SLC4A4: variants seen among roughly 807,000 people sequenced by gnomAD.
SLC4A4 encodes solute carrier family 4 member 4.
A neutral mutation model predicts 111.5 loss-of-function variants in SLC4A4; 27 were observed. The observed-to-expected ratio is 0.24, with a 90% CI of 0.18 to 0.33. The LOEUF (loss-of-function observed/expected upper bound fraction) is 0.33. Among genes scored for constraint, SLC4A4 ranks in the 10% least tolerant of loss-of-function variants. The probability of loss-of-function intolerance (pLI) is 1.00; values close to 1 mark genes in which losing one functional copy is unlikely to be tolerated. For missense variants in SLC4A4, 909 were observed against 1,315.5 expected, an observed-to-expected ratio of 0.69 and a Z score of 4.78; for synonymous variants, 443 against 463.4, an observed-to-expected ratio of 0.96 and a Z score of 0.57.
chr4:71,155,485 T>C (rs931020854), intron 2 of SLC4A4, among the ~76,000 whole-genome samples: 7 of 152,168 alleles, frequency 4.6e-5, no homozygotes, highest in Non-Finnish European at 7.4e-5. Flanking sequence ...TTTTAAGATA[T>C]AGGGTCTTGT....
chr4:71,557,089 G>C (rs1366784083), intron 21 of SLC4A4, among the ~76,000 whole-genome samples: 1 of 151,866 alleles, frequency 6.6e-6, no homozygotes, highest in African/African-American at 2.4e-5. Flanking sequence ...AGATTCAGAT[G>C]TTGACCCTGA....
chr4:71,109,965 G>A (rs1282750786), intron 2 of SLC4A4, among the ~76,000 whole-genome samples: 1 of 152,208 alleles, frequency 6.6e-6, no homozygotes, highest in Non-Finnish European at 1.5e-5. Context: ...TGGGATGGGG[G>A]TGGAAGGAGG....
intron 6 of SLC4A4, among the ~76,000 whole-genome samples, chr4:71,367,907 C>T (rs1285731069): frequency 1.3e-5 from 2 of 152,188 alleles, no homozygotes; most frequent in Non-Finnish European, 2.9e-5. Context: ...ACCTTGACCT[C>T]CCAAGTCATC....
intron 3 of SLC4A4, among the ~76,000 whole-genome samples, chr4:71,276,291 T>A (rs1723061073): frequency 6.6e-6 from 1 of 152,192 alleles, no homozygotes; most frequent in Admixed American, 6.5e-5. Flanking sequence ...GAAACTGACA[T>A]TGGTACGATG....
intron 14 of SLC4A4, among the ~76,000 whole-genome samples, chr4:71,476,053 T>C (rs1339004167): frequency 6.6e-6 from 1 of 151,826 alleles, no homozygotes; most frequent in Non-Finnish European, 1.5e-5. Context: ...TGAAGAATTT[T>C]TTAAGTCTAT....
At chr4:71,180,817 A>G (rs2148987593) in intron 2 of SLC4A4, among the ~76,000 whole-genome samples, 1 of 152,238 alleles carries the variant, frequency 6.6e-6, no homozygotes, top group East Asian at 1.9e-4. Flanking sequence ...AGAACTAGCA[A>G]TACCATTTGA....
chr4:71,193,051 C>A (rs1002594206), intron 1 of SLC4A4, among the ~76,000 whole-genome samples: 1 of 152,208 alleles, frequency 6.6e-6, no homozygotes, highest in Non-Finnish European at 1.5e-5. Flanking sequence ...TAGTGTTCCA[C>A]TTTAGAAGAA....
intron 14 of SLC4A4, among the ~76,000 whole-genome samples, chr4:71,485,006 T>A (rs1560550034): frequency 6.6e-6 from 1 of 151,894 alleles, no homozygotes; most frequent in Non-Finnish European, 1.5e-5. Flanking sequence ...GGGACTTTGC[T>A]GAAGTTATTT....
intron 14 of SLC4A4, among the ~76,000 whole-genome samples, chr4:71,482,524 A>G (rs1309019196): frequency 6.6e-6 from 1 of 151,650 alleles, no homozygotes; most frequent in Non-Finnish European, 1.5e-5. Flanking sequence ...CATTCATTTC[A>G]TGAAGAAAGA....
intron 18 of SLC4A4, 37 bp downstream of exon 18, chr4:71,534,425 C>T (rs765871478): frequency 1.2e-5 from 19 of 1,601,092 alleles, no homozygotes; most frequent in Non-Finnish European, 1.5e-5. Flanking sequence ...TTGCCTTCTA[C>T]TTTCTTTTTA....
chr4:71,070,070 A>T (rs1345367486), intron 1 of SLC4A4, among the ~76,000 whole-genome samples: 2 of 152,100 alleles, frequency 1.3e-5, no homozygotes, highest in African/African-American at 2.4e-5. Flanking sequence ...TTATATGTTT[A>T]TGTTTGTCTC....
At chr4:71,544,490 G>A (rs913190493) in intron 18 of SLC4A4, among the ~76,000 whole-genome samples, 3 of 151,972 alleles carry the variant, frequency 2.0e-5, no homozygotes, top group African/African-American at 7.2e-5. Context: ...GAACCATAGT[G>A]GGGTCTTAGA....
intron 16 of SLC4A4, among the ~76,000 whole-genome samples, chr4:71,513,803 C>G (rs1732139502): frequency 6.6e-6 from 1 of 151,970 alleles, no homozygotes; most frequent in African/African-American, 2.4e-5. Flanking sequence ...TAGGTATGTT[C>G]CTTCTATTCC....
At chr4:71,492,024 T>C (rs1403721754) in intron 15 of SLC4A4, among the ~76,000 whole-genome samples, 1 of 151,612 alleles carries the variant, frequency 6.6e-6, no homozygotes, top group African/African-American at 2.4e-5. Flanking sequence ...TTCATGATGA[T>C]TCTAGGAATT....
intron 7 of SLC4A4, among the ~76,000 whole-genome samples, chr4:71,438,820 T>C (rs573594870): frequency 2.2e-4 from 33 of 152,268 alleles, no homozygotes; most frequent in African/African-American, 7.0e-4. Context: ...TTCTCTAATA[T>C]ACTGAAATTT....
intron 15 of SLC4A4, among the ~76,000 whole-genome samples, chr4:71,493,512 C>T (rs1730121889): frequency 6.6e-6 from 1 of 151,938 alleles, no homozygotes; most frequent in Non-Finnish European, 1.5e-5. Flanking sequence ...TACTGTCTTG[C>T]TCTGCTCTTT....
chr4:71,167,881 TTTCAAATTTA>T (rs1468047255), intron 2 of SLC4A4, among the ~76,000 whole-genome samples: 1 of 152,190 alleles, frequency 6.6e-6, no homozygotes, highest in Non-Finnish European at 1.5e-5. Flanking sequence ...CCAAAATGTC[TTTCAAATTTA>T]TTCACTTCTC....
intron 2 of SLC4A4, among the ~76,000 whole-genome samples, chr4:71,126,201 A>G (rs950914154): frequency 2.0e-5 from 3 of 152,200 alleles, no homozygotes; most frequent in Non-Finnish European, 4.4e-5. Flanking sequence ...TAATATTTCA[A>G]TGATGTGCAT....
In SLC4A4 at chr4:71,532,231, CT is replaced by C. The variant is rs570492752; in HGVS notation, c.2280+57del. The C allele has an allele frequency of 2.4e-3, 2,497 of 1,034,834 alleles. 35 individuals carry two copies. Among genetic ancestry groups the C allele is most frequent in the South Asian group, 0.017 (1,383 of 79,270 alleles). The allele number at this position is 1,034,834 out of a possible 1,614,324, so 64.1% of individuals were successfully genotyped here. On this transcript the variant is annotated intron_variant, in intron 17 of 25. Transcript: ENST00000264485. ...TGGAACTCTTTTTCTTTCTTTCCCCCTATTCTAATTTATTGTGTTTCTCTTT... is the reference window on the plus strand; with the variant it reads ...TGGAACTCTTTTTCTTTCTTTCCCCCATTCTAATTTATTGTGTTTCTCTTT...
Sources: allele counts gnomAD v4.1 joint callset (sites outside exome capture counted in the v4.1 genomes callset), GRCh38; gene constraint gnomAD v4.1.1; transcripts MANE v1.5; gene names NCBI Gene and HGNC (gene_info 2026-07-23, HGNC 2026-07-21).